The following ROR1 variants were observed in gnomAD, a reference collection of about 807,000 sequenced individuals.
ROR1 encodes the protein ROR family WNT receptor 1.
In ROR1, 19 loss-of-function variants were observed where a neutral mutation model predicts 78.8. That is an observed-to-expected ratio of 0.24 (90% CI 0.17 to 0.35). The LOEUF is 0.35. Ranked by LOEUF, ROR1 falls within the 10% of genes least tolerant of loss-of-function variation. The pLI, the probability that ROR1 is intolerant of heterozygous loss-of-function variation, is 1.00. For missense variants in ROR1, 917 were observed against 1,177.8 expected (o/e 0.78, Z 3.24); for synonymous variants, 386 against 433.6 (o/e 0.89, Z 1.36).
intron 1 of ROR1, among the ~76,000 whole-genome samples, chr1:63,815,490 T>C (rs1378634302): frequency 6.8e-6 from 1 of 148,100 alleles, no homozygotes; most frequent in Admixed American, 6.7e-5. Flanking sequence ...TTTTCTTTTT[T>C]TTTTTTTTTT....
intron 2 of ROR1, among the ~76,000 whole-genome samples, chr1:64,027,222 C>G (rs1428946466): frequency 1.3e-5 from 2 of 152,180 alleles, no homozygotes; most frequent in Non-Finnish European, 2.9e-5. Flanking sequence ...AGAATCTCTT[C>G]TTTCTCTGAC....
chr1:64,119,615 G>A (rs1372918573), intron 4 of ROR1, among the ~76,000 whole-genome samples: 1 of 148,924 alleles, frequency 6.7e-6, no homozygotes, highest in Non-Finnish European at 1.5e-5. Flanking sequence ...CTCCAGCCTG[G>A]GTGACAGAGC....
chr1:64,106,068 A>G (rs1297719622), intron 4 of ROR1: 3 of 152,028 alleles, frequency 2.0e-5, no homozygotes, highest in African/African-American at 7.2e-5. Flanking sequence ...CATTTTCATG[A>G]TATTGATTCT....
intron 7 of ROR1, among the ~76,000 whole-genome samples, chr1:64,143,563 A>C (rs1307068860): frequency 6.6e-6 from 1 of 152,176 alleles, no homozygotes; most frequent in Non-Finnish European, 1.5e-5. Context: ...AGCAATAGTC[A>C]TGGGACCCAC....
intron 1 of ROR1, among the ~76,000 whole-genome samples, chr1:63,963,178 C>T (rs1646045738): frequency 6.6e-6 from 1 of 152,098 alleles, no homozygotes; most frequent in South Asian, 2.1e-4. Context: ...TTAACAAGTG[C>T]TTTAATTAAT....
At chr1:63,802,955 T>C (rs1644805714) in intron 1 of ROR1, among the ~76,000 whole-genome samples, 1 of 152,252 alleles carries the variant, frequency 6.6e-6, no homozygotes, top group Non-Finnish European at 1.5e-5. Context: ...CAAAATATCA[T>C]CATTTCAACA....
rs117644922 is a variant in ROR1 at position 63,961,273 on chromosome 1, A to G, written c.92-48032A>G. On this transcript the variant is annotated intron_variant, in intron 1 of 8. Transcript: ENST00000371079. Reference sequence around the variant, plus strand: ...TAGTACAGCCATTATGGAAAACAGTATGGAGATTCCTCACAAAACTAAAAC... The same window carrying G: ...TAGTACAGCCATTATGGAAAACAGTGTGGAGATTCCTCACAAAACTAAAAC... Among the ~76,000 whole-genome samples the G allele has an allele frequency of 2.8e-4, 42 of 152,324 alleles. No homozygotes were observed. The East Asian group carries it at 6.0e-3, about 22-fold the overall frequency.
chr1:63,982,009 AAAAAT>A (rs1233718755), intron 1 of ROR1, among the ~76,000 whole-genome samples: 1 of 151,994 alleles, frequency 6.6e-6, no homozygotes, highest in Non-Finnish European at 1.5e-5. Context: ...TATAAAAAAT[AAAAAT>A]AAAATAAATA....
At chr1:63,931,869 T>C (rs941295349) in intron 1 of ROR1, among the ~76,000 whole-genome samples, 14 of 152,222 alleles carry the variant, frequency 9.2e-5, no homozygotes, top group African/African-American at 3.1e-4. Context: ...GTTAATCTCT[T>C]ACTGTTCCTA....
chr1:64,003,252 A>C (rs541772365), intron 1 of ROR1, among the ~76,000 whole-genome samples: 3 of 152,074 alleles, frequency 2.0e-5, no homozygotes, highest in East Asian at 3.9e-4. Context: ...TAATAGCACA[A>C]ATTTTGATAT....
intron 1 of ROR1, among the ~76,000 whole-genome samples, chr1:64,007,218 G>A (rs943271524): frequency 1.3e-5 from 2 of 152,104 alleles, no homozygotes; most frequent in African/African-American, 4.8e-5. Context: ...AGGACTCTAC[G>A]ACAGATCCCA....
At chr1:64,009,271 T>A (rs779892615) in intron 1 of ROR1, 34 bp from the exon 2 acceptor site, 1 of 1,499,534 alleles carries the variant, frequency 6.7e-7, no homozygotes, top group South Asian at 1.1e-5. Flanking sequence ...AATATTGCCC[T>A]TGTCTTTCTC....
At chr1:63,835,624 C>A (rs1019290597) in intron 1 of ROR1, among the ~76,000 whole-genome samples, 6 of 152,152 alleles carry the variant, frequency 3.9e-5, no homozygotes, top group African/African-American at 1.2e-4. Context: ...AGTCGTGTGC[C>A]AGATACTGTT....
intron 1 of ROR1, among the ~76,000 whole-genome samples, chr1:63,930,460 C>T (rs1292514383): frequency 1.3e-5 from 2 of 152,118 alleles, no homozygotes; most frequent in Non-Finnish European, 2.9e-5. Flanking sequence ...GTCCTTGAGC[C>T]CCATGAACCA....
At chr1:64,157,076 T>C (rs1649796043) in intron 7 of ROR1, among the ~76,000 whole-genome samples, 1 of 152,200 alleles carries the variant, frequency 6.6e-6, no homozygotes, top group Admixed American at 6.5e-5. Flanking sequence ...ACCTGGTCCA[T>C]AGTAATAATA....
chr1:63,874,493 T>C (rs1473345810), intron 1 of ROR1, among the ~76,000 whole-genome samples: 1 of 152,156 alleles, frequency 6.6e-6, no homozygotes, highest in Non-Finnish European at 1.5e-5. Context: ...CACCGGGTGC[T>C]GAGATGGTTG....
chr1:64,142,821 A>G, intron 7 of ROR1, 171 bp downstream of exon 7: 1 of 1,430,392 alleles, frequency 7.0e-7, no homozygotes, highest in South Asian at 1.5e-5. Context: ...ACACCTCGTA[A>G]GGTACCAAAA....
At chr1:63,822,008 T>C (rs2100286154) in intron 1 of ROR1, among the ~76,000 whole-genome samples, 1 of 152,356 alleles carries the variant, frequency 6.6e-6, no homozygotes, top group Admixed American at 6.5e-5. Flanking sequence ...AGACATTTTC[T>C]TGTGATGATA....
chr1:64,020,676 G>A (rs1646557530), intron 2 of ROR1, among the ~76,000 whole-genome samples: 1 of 152,164 alleles, frequency 6.6e-6, no homozygotes, highest in African/African-American at 2.4e-5. Context: ...CTGAGGGTTT[G>A]AGGGCTTACA....
Sources: allele counts gnomAD v4.1 joint callset (sites outside exome capture counted in the v4.1 genomes callset), GRCh38; gene constraint gnomAD v4.1.1; transcripts MANE v1.5; gene names NCBI Gene and HGNC (gene_info 2026-07-23, HGNC 2026-07-21).